FSTL4: variants seen among roughly 807,000 people sequenced by gnomAD.
FSTL4 encodes follistatin-related protein 4.
A neutral mutation model predicts 78.2 loss-of-function variants in FSTL4; 28 were observed. That is an observed-to-expected ratio of 0.36 (90% CI 0.27 to 0.49). The LOEUF is 0.49. Ranked by LOEUF, FSTL4 falls within the 20% of genes least tolerant of loss-of-function variation. FSTL4 has a pLI of 0.98. For synonymous variants in FSTL4, 422 were observed against 440.5 expected, an observed-to-expected ratio of 0.96 and a Z score of 0.53; for missense variants, 922 against 1,084.9, an observed-to-expected ratio of 0.85 and a Z score of 2.11.
the FSTL4 span, among the ~76,000 whole-genome samples, chr5:133,650,782 T>A: frequency 6.6e-6 from 1 of 152,304 alleles, no homozygotes; most frequent in Non-Finnish European, 1.5e-5. Context: ...CTTTTGCCCC[T>A]CCATATAAAC....
At chr5:133,776,532 A>C in the FSTL4 span, among the ~76,000 whole-genome samples, 3 of 152,020 alleles carry the variant, frequency 2.0e-5, no homozygotes, top group Admixed American at 2.0e-4. Context: ...ACCTCCCTTA[A>C]ATTGCTCTTT....
At chr5:133,449,676 C>T (rs1025336324) in intron 3 of FSTL4, among the ~76,000 whole-genome samples, 5 of 152,182 alleles carry the variant, frequency 3.3e-5, no homozygotes, top group African/African-American at 7.2e-5. Context: ...GCGTCCCTCC[C>T]GTGTTTCAAG....
At chr5:133,650,060 G>A in the FSTL4 span, among the ~76,000 whole-genome samples, 1 of 152,152 alleles carries the variant, frequency 6.6e-6, no homozygotes, top group Non-Finnish European at 1.5e-5. Flanking sequence ...GAACCAATGT[G>A]TGCAAAGATC....
At chr5:133,838,885 T>C in the FSTL4 span, among the ~76,000 whole-genome samples, 18 of 152,324 alleles carry the variant, frequency 1.2e-4, no homozygotes, top group South Asian at 3.7e-3. Flanking sequence ...AATGTCTCCC[T>C]GTAAGGAGAC....
chr5:133,345,526 G>A (rs1754678959), intron 4 of FSTL4, among the ~76,000 whole-genome samples: 1 of 152,140 alleles, frequency 6.6e-6, no homozygotes, highest in Non-Finnish European at 1.5e-5. Flanking sequence ...GTATTGCCTA[G>A]GTTTTCTTCT....
the FSTL4 span, among the ~76,000 whole-genome samples, chr5:133,830,592 A>G: frequency 6.6e-6 from 1 of 152,198 alleles, no homozygotes; most frequent in African/African-American, 2.4e-5. Context: ...CACAGAGACC[A>G]TCGGGACAGA....
chr5:133,245,614 G>T (rs867254426), intron 7 of FSTL4, among the ~76,000 whole-genome samples: 4 of 152,200 alleles, frequency 2.6e-5, no homozygotes, highest in South Asian at 2.1e-4. Flanking sequence ...CTCCCTGGAG[G>T]CTGCGGACAG....
At chr5:133,689,087 G>A in the FSTL4 span, among the ~76,000 whole-genome samples, 6 of 152,216 alleles carry the variant, frequency 3.9e-5, no homozygotes, top group South Asian at 1.0e-3. Flanking sequence ...TGCCCTCCCC[G>A]TGGTCCTCAG....
chr5:133,434,822 T>TAC (rs1554114395), intron 3 of FSTL4, among the ~76,000 whole-genome samples: 2 of 90,284 alleles, frequency 2.2e-5, no homozygotes, highest in Non-Finnish European at 5.2e-5. Context: ...AAAAATATAT[T>TAC]GTTAACTGTT....
At chr5:133,751,244 C>T in the FSTL4 span, among the ~76,000 whole-genome samples, 1 of 152,342 alleles carries the variant, frequency 6.6e-6, no homozygotes, top group East Asian at 1.9e-4. Context: ...AAACAGGACA[C>T]AGGCCCTTGC....
intron 4 of FSTL4, among the ~76,000 whole-genome samples, chr5:133,386,501 C>G (rs1158986753): frequency 6.6e-6 from 1 of 152,202 alleles, no homozygotes; most frequent in Non-Finnish European, 1.5e-5. Context: ...CATTTCTCAG[C>G]AGTGGACTTT....
chr5:133,758,389 A>C, the FSTL4 span, among the ~76,000 whole-genome samples: 1 of 152,364 alleles, frequency 6.6e-6, no homozygotes, highest in Admixed American at 6.5e-5. Flanking sequence ...CCTAAGAATA[A>C]ACATAAGGAA....
At chr5:133,669,607 G>T in the FSTL4 span, among the ~76,000 whole-genome samples, 1 of 152,208 alleles carries the variant, frequency 6.6e-6, no homozygotes, top group African/African-American at 2.4e-5. Flanking sequence ...CTTCAGCCAG[G>T]CTCCTTGGGA....
At chr5:133,768,108 T>A in the FSTL4 span, among the ~76,000 whole-genome samples, 2 of 151,624 alleles carry the variant, frequency 1.3e-5, no homozygotes, top group African/African-American at 4.9e-5. Flanking sequence ...AACGAGAGGA[T>A]TTTTAGCAGC....
chr5:133,636,000 G>A, the FSTL4 span, among the ~76,000 whole-genome samples: 18 of 152,282 alleles, frequency 1.2e-4, no homozygotes, highest in African/African-American at 2.4e-4. Flanking sequence ...ATGGCATCAC[G>A]TGAGCAGGGA....
At chr5:133,320,300 C>T (rs912481478) in intron 4 of FSTL4, among the ~76,000 whole-genome samples, 42 of 152,166 alleles carry the variant, frequency 2.8e-4, no homozygotes, top group African/African-American at 1.0e-3. Context: ...TTACCAAATT[C>T]CAGTTTTATT....
At chr5:133,375,052 A>G (rs1288854993) in intron 4 of FSTL4, among the ~76,000 whole-genome samples, 1 of 151,922 alleles carries the variant, frequency 6.6e-6, no homozygotes, top group Non-Finnish European at 1.5e-5. Context: ...CACGTCAGCC[A>G]TCTAGAAATC....
At chr5:133,801,498 G>A in the FSTL4 span, among the ~76,000 whole-genome samples, 9 of 152,048 alleles carry the variant, frequency 5.9e-5, no homozygotes, top group African/African-American at 9.7e-5. Context: ...CTGACGCTCC[G>A]TACCACCTCT....
the FSTL4 span, among the ~76,000 whole-genome samples, chr5:133,799,711 C>T: frequency 7.2e-6 from 1 of 139,128 alleles, no homozygotes; most frequent in African/African-American, 2.6e-5. Context: ...GCTGGTAACG[C>T]CTCCCCCTCC....
Sources: gnomAD v4.1 joint callset for allele counts (sites outside exome capture counted in the v4.1 genomes callset) on GRCh38, gnomAD v4.1.1 for gene constraint, MANE v1.5 for transcripts, NCBI Gene and HGNC (gene_info 2026-07-23, HGNC 2026-07-21) for gene names.